Variants in UGT2B10 observed in about 807,000 individuals in gnomAD.
UGT2B10 encodes the protein UDP-glucuronosyltransferase 2B10.
In UGT2B10, 51 loss-of-function variants were observed where a neutral mutation model predicts 43.7. The ratio of observed to expected loss-of-function variants is 1.17; its 90% CI spans 0.93 to 1.47. The LOEUF is 1.47. UGT2B10 is among the 40% of genes most tolerant of loss of function. The pLI is 0.00. For missense variants in UGT2B10, 696 were observed against 617.7 expected (o/e 1.13, Z -1.34); for synonymous variants, 225 against 209.0 (o/e 1.08, Z -0.66).
intron 3 of UGT2B10, among the ~76,000 whole-genome samples, chr4:68,824,189 A>G (rs546187779): frequency 2.6e-5 from 4 of 152,364 alleles, no homozygotes; most frequent in African/African-American, 7.2e-5. Context: ...TCAGAGAAAG[A>G]GTGGCCTAGG....
Position 68,831,678 on chromosome 4 carries a change from T to C in UGT2B10, c.*799T>C, listed in dbSNP as rs1578278313. Among the ~76,000 whole-genome samples the C allele has an allele frequency of 6.6e-6, 1 of 152,142 alleles. No individual in the cohort carries two copies. Among genetic ancestry groups the C allele is most frequent in the Non-Finnish European group, 1.5e-5 (1 of 68,010 alleles). On this transcript the variant is annotated 3_prime_UTR_variant, in exon 6 of 6. Coordinates refer to ENST00000265403, the MANE Select transcript of UGT2B10 (RefSeq NM_001075.6). The stretch of plus-strand genomic sequence containing the variant: ...TGCTTTCTGTTAAAGCTTTACTGAT[T>C]AGTTTTTCTTCCAAAGCTCTCTTGT...
chr4:68,821,048 A>G (rs1187502432), intron 2 of UGT2B10, among the ~76,000 whole-genome samples: 1 of 152,126 alleles, frequency 6.6e-6, no homozygotes, highest in African/African-American at 2.4e-5. Context: ...CACAATACCT[A>G]GATGCCCCAA....
chr4:68,826,559 C>T, intron 4 of UGT2B10, 62 bp downstream of exon 4: 2 of 1,507,812 alleles, frequency 1.3e-6, no homozygotes, highest in East Asian at 4.7e-5. Context: ...GTTAATAGTT[C>T]ATCTCGAAGC....
At chr4:68,816,793 C>A in intron 1 of UGT2B10, 56 bp downstream of exon 1, 2 of 1,386,556 alleles carry the variant, frequency 1.4e-6, no homozygotes, top group Non-Finnish European at 2.0e-6. Context: ...GTCTTTGAAG[C>A]ACAACTTGCA....
rs1420687118 is a variant in UGT2B10 at position 68,816,341 on chromosome 4, T to G, written c.322T>G (p.Phe108Val). Residue 108 changes from phenylalanine (F) to valine (V), a missense_variant, in exon 1 of 6, where the codon TTT becomes GTT. Phe to Val is a conservative substitution (Grantham distance 50). Transcript: ENST00000265403. ...EIQKDTFWLPFSQEQEILWAI... is the reference protein window; with the variant it reads ...EIQKDTFWLPVSQEQEILWAI... Reference sequence around the variant, plus strand: ...TCAAAAAGATACATTTTGGTTACCTTTTTCACAAGAACAAGAAATCCTGTG... The same window carrying G: ...TCAAAAAGATACATTTTGGTTACCTGTTTCACAAGAACAAGAAATCCTGTG... 1 of 1,613,126 alleles carries G rather than the reference T, an allele frequency of 6.2e-7. No homozygotes were observed. The highest frequency in any genetic ancestry group is 1.1e-5 in the South Asian group (1 of 91,046).
intron 1 of UGT2B10, 136 bp downstream of exon 1, chr4:68,816,873 T>C (rs902523149): frequency 1.2e-6 from 1 of 806,968 alleles, no homozygotes; most frequent in Non-Finnish European, 1.9e-6. Flanking sequence ...CAAGATGATC[T>C]ACCAATCTCA....
In UGT2B10 at chr4:68,831,089, G is replaced by C; in HGVS notation, c.*210G>C. On this transcript the variant is annotated 3_prime_UTR_variant, in exon 6 of 6. Transcript: ENST00000265403. Reference sequence around the variant, plus strand: ...TCTGTGGCAATGAAGAAAACACTAGGGGAAATAAAAAATAATATAAAGCCA... The same window carrying C: ...TCTGTGGCAATGAAGAAAACACTAGCGGAAATAAAAAATAATATAAAGCCA... 1.6e-6 allele frequency: 1 copy of C among 628,330 alleles called. No homozygotes were observed. Among genetic ancestry groups the C allele is most frequent in the South Asian group, 2.5e-5 (1 of 40,622 alleles). 38.9% of individuals were successfully genotyped at this position (628,330 alleles called of 1,614,324 possible).
intron 3 of UGT2B10, among the ~76,000 whole-genome samples, chr4:68,824,225 C>G (rs1262615125): frequency 6.6e-6 from 1 of 152,160 alleles, no homozygotes; most frequent in African/African-American, 2.4e-5. Context: ...TCCAAGTACC[C>G]ACACAACCAG....
Position 68,830,922 on chromosome 4 carries a change from T to A in UGT2B10, c.*43T>A, listed in dbSNP as rs1560422891. On this transcript the variant is annotated 3_prime_UTR_variant, in exon 6 of 6. Transcript: ENST00000265403. The stretch of plus-strand genomic sequence containing the variant: ...AGCTGGAAAACCTGATAGATAGGAA[T>A]ACTTCAGTTGATTCCAGCAATAAAT... The A allele has an allele frequency of 6.3e-7, 1 of 1,581,370 alleles. No homozygotes were observed. The highest frequency in any genetic ancestry group is 1.4e-5 in the African/African-American group (1 of 73,636).
At chr4:68,823,468 T>C (rs371274677) in intron 3 of UGT2B10, among the ~76,000 whole-genome samples, 70 of 152,112 alleles carry the variant, frequency 4.6e-4, no homozygotes, top group South Asian at 2.7e-3. Flanking sequence ...GATCACAACA[T>C]TGCACTCCAG....
At chr4:68,830,522 A>G (rs1349736810) in intron 5 of UGT2B10, 78 bp from the exon 6 acceptor site, 1 of 1,463,102 alleles carries the variant, frequency 6.8e-7, no homozygotes, top group African/African-American at 1.4e-5. Flanking sequence ...TTGACACTTT[A>G]AAAGCCTTTC....
intron 3 of UGT2B10, 109 bp downstream of exon 3, chr4:68,822,511 A>G (rs1737561333): frequency 5.7e-6 from 9 of 1,583,754 alleles, no homozygotes; most frequent in Non-Finnish European, 7.7e-6. Context: ...TTATAGCTGA[A>G]TACAACCTTA....
At chr4:68,822,202 C>T (rs1000755614) in intron 2 of UGT2B10, 69 bp from the exon 3 acceptor site, 4 of 1,571,518 alleles carry the variant, frequency 2.5e-6, no homozygotes, top group African/African-American at 1.4e-5. Flanking sequence ...TATTTTGTAC[C>T]AATTCTTTCG....
intron 2 of UGT2B10, among the ~76,000 whole-genome samples, chr4:68,821,127 C>T (rs147970733): frequency 1.2e-3 from 178 of 152,242 alleles, no homozygotes; most frequent in African/African-American, 4.1e-3. Flanking sequence ...TTTTAAAAAA[C>T]GTTCTGCCAT....
At chr4:68,824,315 G>C (rs1422439621) in intron 3 of UGT2B10, among the ~76,000 whole-genome samples, 1 of 152,192 alleles carries the variant, frequency 6.6e-6, no homozygotes, top group Non-Finnish European at 1.5e-5. Context: ...AGGTGAAAAG[G>C]AAAAGGTGCA....
intron 2 of UGT2B10, among the ~76,000 whole-genome samples, chr4:68,819,735 C>A (rs572857899): frequency 5.3e-5 from 8 of 152,086 alleles, no homozygotes; most frequent in African/African-American, 1.9e-4. Flanking sequence ...CAAATAATTT[C>A]TGCCACTTGT....
chr4:68,818,105 T>C lies in UGT2B10; in HGVS notation c.795T>C (p.Phe265=). The C allele has an allele frequency of 6.2e-7, 1 of 1,612,078 alleles. No individual in the cohort carries two copies. The highest frequency in any genetic ancestry group is 8.5e-7 in the Non-Finnish European group (1 of 1,178,658). Reference sequence around the variant, plus strand: ...TGCGAAACTCCTGGAATTTTAAATTTCCTCATCCATTCTTACCAAATGTTG... The same window carrying C: ...TGCGAAACTCCTGGAATTTTAAATTCCCTCATCCATTCTTACCAAATGTTG... ...WLMRNSWNFK[F]PHPFLPNVDF... The change falls in exon 2 of 6, where the codon TTT becomes TTC. Residue 265 remains phenylalanine (F), a synonymous_variant. Transcript: ENST00000265403.
rs1162474575 is a variant in UGT2B10, at chr4:68,831,554, A to C, written c.*675A>C. 6.6e-6 allele frequency among the ~76,000 whole-genome samples: 1 copy of C among 152,152 alleles called. No individual in the cohort carries two copies. Among genetic ancestry groups the C allele is most frequent in the Non-Finnish European group, 1.5e-5 (1 of 68,018 alleles). The stretch of plus-strand genomic sequence containing the variant: ...TAATTATATGAAATGTTGTTTGATT[A>C]CATAAAATAAAGTGGAAATGAATGA... On this transcript the variant is annotated 3_prime_UTR_variant, in exon 6 of 6. Coordinates refer to ENST00000265403, the MANE Select transcript of UGT2B10 (RefSeq NM_001075.6).
intron 3 of UGT2B10, among the ~76,000 whole-genome samples, chr4:68,825,448 C>A (rs968448700): frequency 1.4e-4 from 21 of 151,884 alleles, no homozygotes; most frequent in African/African-American, 4.8e-4. Context: ...CGTATTAAGA[C>A]TAATATTCAT....
Sources: allele counts gnomAD v4.1 joint callset (sites outside exome capture counted in the v4.1 genomes callset), GRCh38; gene constraint gnomAD v4.1.1; transcripts MANE v1.5; gene names NCBI Gene and HGNC (gene_info 2026-07-23, HGNC 2026-07-21).